FBXL4: variants seen among roughly 807,000 people sequenced by gnomAD.
FBXL4 encodes the protein F-box/LRR-repeat protein 4.
A neutral mutation model predicts 58.9 loss-of-function variants in FBXL4; 40 were observed. The ratio of observed to expected loss-of-function variants is 0.68; its 90% CI spans 0.53 to 0.88. The LOEUF is 0.88. Ranked by LOEUF, FBXL4 falls within the 40% of genes least tolerant of loss-of-function variation. The pLI, the probability that FBXL4 is intolerant of heterozygous loss-of-function variation, is 0.00. For synonymous variants in FBXL4, 263 were observed against 265.5 expected (o/e 0.99, Z 0.09); for missense variants, 676 against 734.4 (o/e 0.92, Z 0.92).
chr6:98,919,037 T>C (rs1057478947), intron 4 of FBXL4, among the ~76,000 whole-genome samples: 7 of 151,332 alleles, frequency 4.6e-5, no homozygotes, highest in Admixed American at 1.3e-4. Flanking sequence ...TGGCAACGCA[T>C]AGAAGAAACT....
At chr6:98,907,340 G>A (rs1180713276) in intron 5 of FBXL4, among the ~76,000 whole-genome samples, 1 of 152,180 alleles carries the variant, frequency 6.6e-6, no homozygotes, top group Non-Finnish European at 1.5e-5. Context: ...AGATCATTGT[G>A]GGCGTGCTAC....
intron 2 of FBXL4, among the ~76,000 whole-genome samples, chr6:98,929,817 T>C (rs910801875): frequency 6.6e-6 from 1 of 152,052 alleles, no homozygotes; most frequent in Non-Finnish European, 1.5e-5. Flanking sequence ...TATAAAAACT[T>C]AGCTTACTGG....
intron 7 of FBXL4, among the ~76,000 whole-genome samples, chr6:98,893,622 A>C (rs1179117926): frequency 6.6e-6 from 1 of 152,208 alleles, no homozygotes; most frequent in Non-Finnish European, 1.5e-5. Flanking sequence ...CCCATAACAC[A>C]AGTATTTGAA....
In FBXL4 at chr6:98,905,817, C is replaced by T. The variant is rs909972593; in HGVS notation, c.859-147G>A. The stretch of plus-strand genomic sequence containing the variant: ...GTAAATAAACATCCAACAGAATTAT[C>T]CAAATAAAAGAAATCATACGTGCAT... On this transcript the variant is annotated intron_variant, in intron 5 of 9. Transcript: ENST00000369244. The T allele has an allele frequency of 4.7e-5, 40 of 844,474 alleles. No individual in the cohort carries two copies. In the African/African-American group the frequency reaches 6.9e-4, roughly 14 times the overall value. The allele number at this position is 844,474 out of a possible 1,614,324, so 52.3% of individuals were successfully genotyped here.
intron 4 of FBXL4, among the ~76,000 whole-genome samples, chr6:98,921,420 A>T (rs970872992): frequency 4.0e-5 from 6 of 151,552 alleles, no homozygotes; most frequent in African/African-American, 1.5e-4. Context: ...TCTAGTAGCC[A>T]GCAAAGAAAG....
Position 98,875,530 on chromosome 6 carries a change from T to C in FBXL4, c.1587A>G (p.Ala529=), listed in dbSNP as rs1582359148. The change falls in exon 9 of 10, where the codon GCA becomes GCG. Residue 529 remains alanine (A), a synonymous_variant. Coordinates refer to ENST00000369244, the MANE Select transcript of FBXL4 (RefSeq NM_001278716.2). ...GTTTTTGCAAGTTTGGGAGCTGGTG[T>C]GCCAGTCTGGTGAAGCACCCGGTGC... ...QSSTGCFTRL[A]HQLPNLQKLF... is the part of the protein sequence containing the mutation. 6.2e-7 allele frequency: 1 copy of C among 1,614,146 alleles called. No homozygotes were observed. The highest frequency in any genetic ancestry group is 8.5e-7 in the Non-Finnish European group (1 of 1,180,012).
chr6:98,942,140 A>T (rs1466212615), intron 1 of FBXL4, among the ~76,000 whole-genome samples: 3 of 151,948 alleles, frequency 2.0e-5, no homozygotes, highest in Admixed American at 2.0e-4. Flanking sequence ...AATATTCTAG[A>T]TATGCAAGTA....
chr6:98,933,149 T>C (rs965591426), intron 2 of FBXL4, among the ~76,000 whole-genome samples: 1 of 152,188 alleles, frequency 6.6e-6, no homozygotes, highest in East Asian at 1.9e-4. Flanking sequence ...GGAATGATAA[T>C]GTGAATTTGA....
intron 1 of FBXL4, among the ~76,000 whole-genome samples, chr6:98,945,684 T>C (rs1773595589): frequency 6.6e-6 from 1 of 152,198 alleles, no homozygotes; most frequent in Non-Finnish European, 1.5e-5. Flanking sequence ...CTTCCTCATA[T>C]CCCAGGGAAC....
intron 4 of FBXL4, 71 bp from the exon 5 acceptor site, chr6:98,917,790 C>T (rs1772427216): frequency 9.3e-7 from 1 of 1,079,448 alleles, no homozygotes; most frequent in African/African-American, 1.6e-5. Context: ...GGTTATAGAC[C>T]CATGCCCAAT....
intron 6 of FBXL4, among the ~76,000 whole-genome samples, chr6:98,899,991 T>C (rs980710236): frequency 3.3e-5 from 5 of 152,186 alleles, no homozygotes; most frequent in Non-Finnish European, 7.4e-5. Context: ...TATGTGGGTT[T>C]AACTACAGCA....
rs1016358022 is a variant in FBXL4 at position 98,886,782 on chromosome 6, T to C, written c.1318-6158A>G. Among the ~76,000 whole-genome samples, 10 of 152,276 alleles carry C rather than the reference T, an allele frequency of 6.6e-5. No homozygotes were observed. In the East Asian group the frequency reaches 1.9e-3, roughly 29 times the overall value. On this transcript the variant is annotated intron_variant, in intron 7 of 9. Coordinates refer to ENST00000369244, the MANE Select transcript of FBXL4 (RefSeq NM_001278716.2). ...CCAATACCAGGTCACTATATACTTTTTGGTATATCTGCCCAAAACAAAATC... is the reference window on the plus strand; with the variant it reads ...CCAATACCAGGTCACTATATACTTTCTGGTATATCTGCCCAAAACAAAATC...
chr6:98,914,845 A>C (rs888803365), intron 5 of FBXL4, among the ~76,000 whole-genome samples: 2 of 152,220 alleles, frequency 1.3e-5, no homozygotes, highest in African/African-American at 4.8e-5. Flanking sequence ...AAGGAAATAA[A>C]GGGTATTCAA....
intron 5 of FBXL4, among the ~76,000 whole-genome samples, chr6:98,916,114 G>A (rs1448106535): frequency 3.9e-5 from 6 of 152,048 alleles, no homozygotes; most frequent in South Asian, 4.2e-4. Context: ...AAACCACAAT[G>A]AGATACCATC....
At chr6:98,894,369 A>G (rs981124797) in intron 7 of FBXL4, among the ~76,000 whole-genome samples, 1 of 152,162 alleles carries the variant, frequency 6.6e-6, no homozygotes, top group African/African-American at 2.4e-5. Flanking sequence ...AACTAAGCAC[A>G]ACTAAAGTGT....
At chr6:98,931,859 G>A (rs1773023345) in intron 2 of FBXL4, among the ~76,000 whole-genome samples, 1 of 152,242 alleles carries the variant, frequency 6.6e-6, no homozygotes, top group Non-Finnish European at 1.5e-5. Context: ...CAGGACTCAT[G>A]TGGAGAGCTA....
intron 7 of FBXL4, among the ~76,000 whole-genome samples, chr6:98,888,405 T>C (rs995002807): frequency 6.6e-6 from 1 of 152,188 alleles, no homozygotes; most frequent in Non-Finnish European, 1.5e-5. Flanking sequence ...AACAAAACAA[T>C]TCTACTATAA....
At chr6:98,924,445 C>G (rs1056164089) in intron 4 of FBXL4, among the ~76,000 whole-genome samples, 18 of 151,978 alleles carry the variant, frequency 1.2e-4, no homozygotes, top group Admixed American at 5.9e-4. Context: ...TAATCCCAGC[C>G]GCTCAGGTGG....
chr6:98,926,444 A>G, intron 4 of FBXL4, 33 bp downstream of exon 4: 1 of 1,544,530 alleles, frequency 6.5e-7, no homozygotes, highest in African/African-American at 1.4e-5. Context: ...CCTTTCTACC[A>G]TATAACTTAG....
Sources: allele counts gnomAD v4.1 joint callset (sites outside exome capture counted in the v4.1 genomes callset), GRCh38; gene constraint gnomAD v4.1.1; transcripts MANE v1.5; gene names NCBI Gene and HGNC (gene_info 2026-07-23, HGNC 2026-07-21).